PCDH10: variants seen among roughly 807,000 people sequenced by gnomAD.
PCDH10 encodes protocadherin 10, also known as protocadherin-10.
Under a neutral mutation model 74.4 loss-of-function variants are expected in PCDH10, and 15 were observed. The observed-to-expected ratio is 0.20, with a 90% CI of 0.13 to 0.31. The LOEUF (loss-of-function observed/expected upper bound fraction) is 0.31. PCDH10 is among the 10% of genes least tolerant of loss of function. PCDH10 has a pLI of 1.00. For missense variants in PCDH10, 1,260 were observed against 1,390.2 expected, an observed-to-expected ratio of 0.91 and a Z score of 1.49; for synonymous variants, 619 against 589.8, an observed-to-expected ratio of 1.05 and a Z score of -0.72.
At chr4:133,158,393 TA>T (rs573856936) in intron 3 of PCDH10, among the ~76,000 whole-genome samples, 104 of 152,184 alleles carry the variant, frequency 6.8e-4, no homozygotes, top group African/African-American at 2.4e-3. Flanking sequence ...CTTGTGCCTT[TA>T]AAAAAATATG....
chr4:133,152,129 T>C lies in PCDH10; in HGVS notation c.1989T>C (p.His663=). ...PYELVIEVRD[H]GQPPLSSTAT... ...AGCTGGTGATCGAGGTGCGCGACCA[T>C]GGGCAGCCGCCCCTTTCCTCCACCG... The change falls in exon 1 of 5, where the codon CAT becomes CAC. Residue 663 remains histidine (H), a synonymous_variant. Transcript: ENST00000264360. 3 of 1,567,870 alleles carry C rather than the reference T, an allele frequency of 1.9e-6. No individual in the cohort carries two copies. The highest frequency in any genetic ancestry group is 1.7e-6 in the Non-Finnish European group (2 of 1,157,362).
intron 4 of PCDH10, among the ~76,000 whole-genome samples, chr4:133,175,723 T>A (rs1157831350): frequency 1.3e-5 from 2 of 152,128 alleles, no homozygotes; most frequent in African/African-American, 4.8e-5. Context: ...CTGTACCTAC[T>A]GCACAAATAA....
rs1286476969 is a variant in PCDH10, at chr4:133,151,833, G to C, written c.1693G>C (p.Val565Leu). The change falls in exon 1 of 5, where the codon GTG becomes CTG. Residue 565 changes from valine (V) to leucine (L), a missense_variant. This residue lies in a region of PCDH10 where 587 missense variants were observed against 616.9 expected (regional missense o/e 0.95). Transcript: ENST00000264360. ...AGNATVNILI[V>L]DQNDNAPAIV... ...TAACGCCACTGTCAACATCCTCATAGTGGATCAAAATGACAACGCCCCTGC... is the reference window on the plus strand; with the variant it reads ...TAACGCCACTGTCAACATCCTCATACTGGATCAAAATGACAACGCCCCTGC... 6 of 1,613,098 alleles carry C rather than the reference G, an allele frequency of 3.7e-6. No individual in the cohort carries two copies. The highest frequency in any genetic ancestry group is 4.2e-6 in the Non-Finnish European group (5 of 1,180,036).
Sources: gnomAD v4.1 joint callset for allele counts (sites outside exome capture counted in the v4.1 genomes callset) on GRCh38, gnomAD v4.1.1 for gene constraint, gnomAD v4.1.1 regional missense constraint, MANE v1.5 for transcripts, NCBI Gene and HGNC (gene_info 2026-07-23, HGNC 2026-07-21) for gene names.